TMEM114: variants seen among roughly 807,000 people sequenced by gnomAD.
TMEM114 encodes the protein claudin-26.
Under a neutral mutation model 6.2 loss-of-function variants are expected in TMEM114, and 6 were observed. The ratio of observed to expected loss-of-function variants is 0.97; its 90% CI spans 0.53 to 1.91. The LOEUF is 1.91. TMEM114 is among the 40% of genes most tolerant of loss of function. The pLI, the probability that TMEM114 is intolerant of heterozygous loss-of-function variation, is 0.01. For missense variants in TMEM114, 218 were observed against 158.3 expected (o/e 1.38, Z -2.02); for synonymous variants, 104 against 73.0 (o/e 1.42, Z -2.16).
chr16:8,527,265 C>T, the TMEM114 span, among the ~76,000 whole-genome samples: 2 of 152,168 alleles, frequency 1.3e-5, no homozygotes, highest in African/African-American at 4.8e-5. Flanking sequence ...TGGGCCCTTA[C>T]AGCAACTAAG....
At chr16:8,547,940 C>T (rs1900723525) in intron 2 of TMEM114, among the ~76,000 whole-genome samples, 1 of 152,170 alleles carries the variant, frequency 6.6e-6, no homozygotes, top group African/African-American at 2.4e-5. Flanking sequence ...TGACCTCCAA[C>T]ATCTGGATTT....
At chr16:8,537,756 A>G (rs1254746862) in exon 3 of TMEM114, 2 of 152,218 alleles carry the variant, frequency 1.3e-5, no homozygotes, top group Non-Finnish European at 2.9e-5. Context: ...AAAGCCCTGC[A>G]GAAGTTTTCC....
At chr16:8,530,654 G>C in the TMEM114 span, among the ~76,000 whole-genome samples, 1 of 152,124 alleles carries the variant, frequency 6.6e-6, no homozygotes, top group African/African-American at 2.4e-5. Context: ...CGGATGAAGA[G>C]AGGGAAGGGA....
chr16:8,563,762 G>GGAAT (rs1901387658), intron 2 of TMEM114, among the ~76,000 whole-genome samples: 1 of 118,888 alleles, frequency 8.4e-6, no homozygotes, highest in South Asian at 3.1e-4. Flanking sequence ...AATAAGTGAG[G>GGAAT]GAATGAGTGA....
intron 2 of TMEM114, among the ~76,000 whole-genome samples, chr16:8,573,002 C>T (rs1324315749): frequency 2.6e-5 from 4 of 152,214 alleles, no homozygotes; most frequent in South Asian, 2.1e-4. Flanking sequence ...ACTGGAGTGC[C>T]GGCCCCGTTC....
rs1901655387 is a variant in TMEM114, at chr16:8,569,599, C to G, written c.*174G>C. 1 of 1,431,922 alleles carries G rather than the reference C, an allele frequency of 7.0e-7. No homozygotes were observed. Among genetic ancestry groups the G allele is most frequent in the Admixed American group, 2.9e-5 (1 of 35,028 alleles). The allele number at this position is 1,431,922 out of a possible 1,614,324, so 88.7% of individuals were successfully genotyped here. ...ACACACGGACATAAGCACACAGGTA[C>G]TAGGATAACAGCCAGGCCCCAAGCT... On this transcript the variant is annotated 3_prime_UTR_variant, in exon 4 of 4. Coordinates refer to ENST00000620492, the MANE Select transcript of TMEM114 (RefSeq NM_001146336.2).
At chr16:8,561,852 A>G (rs1450655610) in intron 2 of TMEM114, among the ~76,000 whole-genome samples, 2 of 141,804 alleles carry the variant, frequency 1.4e-5, no homozygotes, top group African/African-American at 5.2e-5. Flanking sequence ...GAGTGAATGA[A>G]TGAGTGAGTG....
chr16:8,551,257 C>T (rs1382224892), intron 2 of TMEM114, among the ~76,000 whole-genome samples: 4 of 152,108 alleles, frequency 2.6e-5, no homozygotes, highest in Non-Finnish European at 5.9e-5. Context: ...ATGCAAGTTT[C>T]ACGCTCCTGG....
intron 2 of TMEM114, among the ~76,000 whole-genome samples, chr16:8,587,980 C>T (rs1001853900): frequency 2.6e-5 from 4 of 151,826 alleles, no homozygotes; most frequent in Non-Finnish European, 5.9e-5. Flanking sequence ...AACTATGTTT[C>T]CTATCACTAT....
chr16:8,532,683 G>A (rs1448310552), downstream of TMEM114, among the ~76,000 whole-genome samples: 1 of 152,150 alleles, frequency 6.6e-6, no homozygotes, highest in East Asian at 1.9e-4. Flanking sequence ...CCAGCACTTT[G>A]GGAGGCCGAG....
chr16:8,538,534 G>A (rs1900427600), intron 2 of TMEM114, among the ~76,000 whole-genome samples: 1 of 151,800 alleles, frequency 6.6e-6, no homozygotes, highest in South Asian at 2.1e-4. Context: ...TTGAGACAGA[G>A]TCTTGCTCTG....
chr16:8,564,384 A>G (rs1901442991), intron 2 of TMEM114, among the ~76,000 whole-genome samples: 1 of 148,502 alleles, frequency 6.7e-6, no homozygotes, highest in African/African-American at 2.5e-5. Flanking sequence ...TGAATGAGTG[A>G]GGGAATGAGT....
intron 2 of TMEM114, among the ~76,000 whole-genome samples, chr16:8,560,805 T>C (rs964867881): frequency 5.3e-5 from 8 of 152,228 alleles, no homozygotes; most frequent in Admixed American, 2.0e-4. Context: ...AAAGTCAGCA[T>C]TGGGGACTGA....
chr16:8,576,707 GAA>G, intron 2 of TMEM114, among the ~76,000 whole-genome samples: 1 of 1,560 alleles, frequency 6.4e-4, no homozygotes, highest in South Asian at 0.015. Context: ...ATGAGAGCAG[GAA>G]GGAAGGAAGG....
At chr16:8,568,134 C>T (rs117228216), downstream of TMEM114, among the ~76,000 whole-genome samples, 1 of 152,162 alleles carries the variant, frequency 6.6e-6, no homozygotes, top group African/African-American at 2.4e-5. Context: ...GTTATGTTAA[C>T]CTGCCAGTGC....
chr16:8,534,440 G>C (rs566542278), downstream of TMEM114, among the ~76,000 whole-genome samples: 2 of 152,308 alleles, frequency 1.3e-5, no homozygotes, highest in South Asian at 4.1e-4. Context: ...AGCAGGTGGA[G>C]GGTGTAGAAT....
chr16:8,538,239 T>C (rs1328987027), intron 2 of TMEM114, among the ~76,000 whole-genome samples: 1 of 149,516 alleles, frequency 6.7e-6, no homozygotes, highest in African/African-American at 2.5e-5. Context: ...TAGAAAACCA[T>C]GATCCTTCCA....
At chr16:8,583,910 C>T (rs1336909574) in intron 2 of TMEM114, among the ~76,000 whole-genome samples, 1 of 152,218 alleles carries the variant, frequency 6.6e-6, no homozygotes, top group East Asian at 1.9e-4. Flanking sequence ...ATCTGTGGAG[C>T]TGATCCCAAC....
intron 2 of TMEM114, among the ~76,000 whole-genome samples, chr16:8,541,841 G>C (rs939655815): frequency 6.6e-6 from 1 of 152,082 alleles, no homozygotes; most frequent in Admixed American, 6.6e-5. Context: ...AATTCTGCAG[G>C]GCCCAAGAGT....
Sources: allele counts gnomAD v4.1 joint callset (sites outside exome capture counted in the v4.1 genomes callset), GRCh38; gene constraint gnomAD v4.1.1; transcripts MANE v1.5; gene names NCBI Gene and HGNC (gene_info 2026-07-23, HGNC 2026-07-21).